Variants in RBMS3 observed in about 807,000 individuals in gnomAD.
The protein encoded by RBMS3 is RNA-binding motif, single-stranded-interacting protein 3.
RBMS3 carries 27 observed loss-of-function variants against 66.8 expected under a neutral mutation model. The observed-to-expected ratio is 0.40, with a 90% CI of 0.30 to 0.56. The LOEUF (loss-of-function observed/expected upper bound fraction) is 0.56. Among genes scored for constraint, RBMS3 ranks in the 20% least tolerant of loss-of-function variants. RBMS3 has a pLI of 0.40. For missense variants in RBMS3, 513 were observed against 549.5 expected (o/e 0.93, Z 0.66); for synonymous variants, 188 against 183.0 (o/e 1.03, Z -0.22).
chr3:29,382,204 A>T (rs2038791042), intron 1 of RBMS3, among the ~76,000 whole-genome samples: 1 of 152,136 alleles, frequency 6.6e-6, no homozygotes, highest in South Asian at 2.1e-4. Flanking sequence ...TTTAGTTCCC[A>T]TGTTGTCTTA....
intron 6 of RBMS3, among the ~76,000 whole-genome samples, chr3:29,809,665 G>A (rs2057670904): frequency 6.6e-6 from 1 of 151,886 alleles, no homozygotes; most frequent in Non-Finnish European, 1.5e-5. Context: ...TTGCAAGGCT[G>A]TCACTATCTT....
intron 11 of RBMS3, among the ~76,000 whole-genome samples, chr3:29,942,618 C>T (rs2061418993): frequency 6.6e-6 from 1 of 151,700 alleles, no homozygotes; most frequent in African/African-American, 2.4e-5. Flanking sequence ...TATTATAAGG[C>T]TAAAGAGAAA....
intron 2 of RBMS3, among the ~76,000 whole-genome samples, chr3:29,472,871 G>T (rs1287933907): frequency 4.6e-5 from 7 of 152,186 alleles, no homozygotes. Flanking sequence ...GGTTGCCATG[G>T]CTGGCTGGGA....
chr3:29,535,912 A>G, intron 3 of RBMS3, among the ~76,000 whole-genome samples: 1 of 151,744 alleles, frequency 6.6e-6, no homozygotes. Context: ...GAGTCTATTA[A>G]TTACATACAT....
intron 14 of RBMS3, 40 bp from the exon 15 acceptor site, chr3:30,003,816 C>A: frequency 7.3e-7 from 1 of 1,369,368 alleles, no homozygotes. Flanking sequence ...TTCAAAGTTA[C>A]TTTAATTTAA....
At chr3:29,882,057 T>C (rs1410459780) in intron 7 of RBMS3, among the ~76,000 whole-genome samples, 3 of 152,122 alleles carry the variant, frequency 2.0e-5, no homozygotes, top group African/African-American at 7.2e-5. Flanking sequence ...CTGCCTGCAG[T>C]GCCGCATCTT....
intron 6 of RBMS3, among the ~76,000 whole-genome samples, chr3:29,825,245 C>T (rs1252443692): frequency 6.6e-6 from 1 of 152,010 alleles, no homozygotes; most frequent in Non-Finnish European, 1.5e-5. Context: ...CCATGTTGGC[C>T]AGACCGGTCT....
intron 4 of RBMS3, among the ~76,000 whole-genome samples, chr3:29,671,691 A>G (rs2051007289): frequency 6.6e-6 from 1 of 152,224 alleles, no homozygotes; most frequent in South Asian, 2.1e-4. Flanking sequence ...CAGTGATTGA[A>G]GATCAAATTA....
intron 4 of RBMS3, among the ~76,000 whole-genome samples, chr3:29,729,088 C>T (rs1282832105): frequency 1.3e-5 from 2 of 151,232 alleles, no homozygotes; most frequent in Non-Finnish European, 3.0e-5. Context: ...CACCCATCAG[C>T]TTGTCATTTA....
chr3:29,875,341 C>T (rs2059588322), intron 7 of RBMS3, among the ~76,000 whole-genome samples: 1 of 152,140 alleles, frequency 6.6e-6, no homozygotes. Flanking sequence ...TGCCCAGGCT[C>T]ATCTTAGTAG....
At chr3:29,435,207 A>G (rs1221660211) in intron 2 of RBMS3, among the ~76,000 whole-genome samples, 1 of 152,216 alleles carries the variant, frequency 6.6e-6, no homozygotes, top group African/African-American at 2.4e-5. Flanking sequence ...ACACTCTCAA[A>G]CCATGTGGCC....
chr3:29,674,916 A>C (rs1189453803), intron 4 of RBMS3, among the ~76,000 whole-genome samples: 2 of 152,218 alleles, frequency 1.3e-5, no homozygotes, highest in African/African-American at 2.4e-5. Flanking sequence ...TAAAGTTCAT[A>C]TAGAACCAAA....
intron 1 of RBMS3, among the ~76,000 whole-genome samples, chr3:29,395,173 A>C (rs149167707): frequency 1.3e-5 from 2 of 152,334 alleles, no homozygotes; most frequent in Admixed American, 1.3e-4. Flanking sequence ...GGAGCCAGTT[A>C]TCAAAGTATC....
At chr3:29,974,604 T>G (rs372687185) in intron 12 of RBMS3, among the ~76,000 whole-genome samples, 1 of 151,570 alleles carries the variant, frequency 6.6e-6, no homozygotes, top group Non-Finnish European at 1.5e-5. Flanking sequence ...CCTTTTATAA[T>G]CCCCACAAAA....
chr3:29,962,691 C>T (rs1455918271), intron 12 of RBMS3, among the ~76,000 whole-genome samples: 7 of 151,808 alleles, frequency 4.6e-5, no homozygotes, highest in Admixed American at 1.3e-4. Flanking sequence ...AGGATTACAT[C>T]TTGCTTGGAT....
chr3:29,864,093 T>C (rs1228105399), intron 6 of RBMS3, among the ~76,000 whole-genome samples: 1 of 152,178 alleles, frequency 6.6e-6, no homozygotes, highest in Non-Finnish European at 1.5e-5. Context: ...GCAACAGTAA[T>C]TATTTAACAT....
intron 4 of RBMS3, among the ~76,000 whole-genome samples, chr3:29,615,452 G>A (rs573019170): frequency 6.7e-6 from 1 of 149,908 alleles, no homozygotes; most frequent in Non-Finnish European, 1.5e-5. Flanking sequence ...TCTATATGAA[G>A]GACTTGGACT....
chr3:29,731,011 G>A (rs926366103), intron 4 of RBMS3: 8 of 985,188 alleles, frequency 8.1e-6, no homozygotes, highest in East Asian at 1.1e-4. Flanking sequence ...AGGACCAAAG[G>A]TAACTTAAAT....
At chr3:29,624,623 G>T (rs2048991086) in intron 4 of RBMS3, among the ~76,000 whole-genome samples, 1 of 151,996 alleles carries the variant, frequency 6.6e-6, no homozygotes, top group Non-Finnish European at 1.5e-5. Context: ...ATAAGAAATT[G>T]ATAACTCCAA....
Sources: gnomAD v4.1 joint callset for allele counts (sites outside exome capture counted in the v4.1 genomes callset) on GRCh38, gnomAD v4.1.1 for gene constraint, MANE v1.5 for transcripts, NCBI Gene and HGNC (gene_info 2026-07-23, HGNC 2026-07-21) for gene names.